NRXN3: variants seen among roughly 807,000 people sequenced by gnomAD.
NRXN3 encodes neurexin III.
NRXN3 carries 32 observed loss-of-function variants against 137.6 expected under a neutral mutation model. The observed-to-expected ratio is 0.23, with a 90% CI of 0.18 to 0.31. NRXN3 has a LOEUF of 0.31. Ranked by LOEUF, NRXN3 falls within the 10% of genes least tolerant of loss-of-function variation. NRXN3 has a pLI of 1.00. For synonymous variants in NRXN3, 798 were observed against 784.5 expected, an observed-to-expected ratio of 1.02 and a Z score of -0.29; for missense variants, 1,574 against 2,062.5, an observed-to-expected ratio of 0.76 and a Z score of 4.59.
chr14:79,094,312 TC>T (rs2049823987), intron 15 of NRXN3, among the ~76,000 whole-genome samples: 1 of 152,210 alleles, frequency 6.6e-6, no homozygotes, highest in African/African-American at 2.4e-5. Flanking sequence ...GTTTTAGCCT[TC>T]TTTTTAGTGC....
At chr14:78,665,747 C>T (rs1265387172) in intron 6 of NRXN3, among the ~76,000 whole-genome samples, 1 of 152,170 alleles carries the variant, frequency 6.6e-6, no homozygotes, top group African/African-American at 2.4e-5. Context: ...GCAAGGAAAG[C>T]TTGGCACATT....
intron 15 of NRXN3, among the ~76,000 whole-genome samples, chr14:79,430,658 T>A (rs555685815): frequency 6.6e-6 from 1 of 152,322 alleles, no homozygotes; most frequent in East Asian, 1.9e-4. Flanking sequence ...TTGGTTCTGT[T>A]GTCTGGAGAA....
chr14:79,173,569 T>C (rs987740625), intron 15 of NRXN3, among the ~76,000 whole-genome samples: 2 of 148,024 alleles, frequency 1.4e-5, no homozygotes, highest in African/African-American at 2.5e-5. Context: ...ATAAAAGATA[T>C]CATTGCCAAA....
At chr14:79,650,013 G>A (rs1192923618) in intron 16 of NRXN3, among the ~76,000 whole-genome samples, 1 of 152,172 alleles carries the variant, frequency 6.6e-6, no homozygotes, top group Admixed American at 6.5e-5. Flanking sequence ...ATGGAGGAGA[G>A]AGAAATCATG....
rs913705541 is a variant in NRXN3, at chr14:78,988,059, C to T, written c.3180C>T (p.Asn1060=). The change falls in exon 15 of 21, where the codon AAC becomes AAT. Residue 1060 remains asparagine (N), a synonymous_variant. Coordinates refer to ENST00000335750, the MANE Select transcript of NRXN3 (RefSeq NM_001330195.2). Reference sequence around the variant, plus strand: ...CCTGCCAGGAAGATTCATGTGCCAACCAGGGGGTCTGCATGCAACAATGGG... The same window carrying T: ...CCTGCCAGGAAGATTCATGTGCCAATCAGGGGGTCTGCATGCAACAATGGG... ...STTCQEDSCA[N]QGVCMQQWEG... 4 of 1,613,740 alleles carry T rather than the reference C, an allele frequency of 2.5e-6. No homozygotes were observed. The highest frequency in any genetic ancestry group is 2.7e-5 in the African/African-American group (2 of 74,882).
intron 15 of NRXN3, among the ~76,000 whole-genome samples, chr14:79,272,323 T>C (rs551359110): frequency 1.3e-5 from 2 of 152,010 alleles, no homozygotes; most frequent in Admixed American, 6.5e-5. Context: ...CCATAGTATG[T>C]ATAAATTTAG....
chr14:78,625,826 C>A (rs544014842), intron 4 of NRXN3, among the ~76,000 whole-genome samples: 153 of 152,266 alleles, frequency 1.0e-3, no homozygotes, highest in African/African-American at 3.6e-3. Context: ...GGTTACCTGG[C>A]AAGGCAGTAC....
Position 78,353,120 on chromosome 14 carries a change from A to G in NRXN3, c.757+55260A>G, listed in dbSNP as rs1375897094. On this transcript the variant is annotated intron_variant, in intron 4 of 20. Coordinates refer to ENST00000335750, the MANE Select transcript of NRXN3 (RefSeq NM_001330195.2). ...TTGTCCAACATGGATTTTTATTCTT[A>G]TAGATGAGGAAACCGGACTGGAGAG... Among the ~76,000 whole-genome samples, 4 of 152,178 alleles carry G rather than the reference A, an allele frequency of 2.6e-5. No individual in the cohort carries two copies. In the East Asian group the frequency reaches 7.7e-4, roughly 29 times the overall value.
At chr14:78,675,066 C>A (rs1310559865) in intron 6 of NRXN3, among the ~76,000 whole-genome samples, 1 of 152,224 alleles carries the variant, frequency 6.6e-6, no homozygotes, top group Non-Finnish European at 1.5e-5. Context: ...TGGCACCAGA[C>A]TCTGAAGAAG....
intron 8 of NRXN3, among the ~76,000 whole-genome samples, chr14:78,715,510 G>A (rs2098427090): frequency 6.6e-6 from 1 of 152,172 alleles, no homozygotes; most frequent in Non-Finnish European, 1.5e-5. Flanking sequence ...TAACTCCTGG[G>A]TTAGGCTTTA....
At chr14:79,451,269 C>T (rs1180630679) in intron 15 of NRXN3, among the ~76,000 whole-genome samples, 1 of 152,000 alleles carries the variant, frequency 6.6e-6, no homozygotes, top group Non-Finnish European at 1.5e-5. Flanking sequence ...GAAATGAGCT[C>T]CAGCATAACA....
At chr14:78,963,517 T>A (rs1390186702) in intron 11 of NRXN3, among the ~76,000 whole-genome samples, 1 of 152,218 alleles carries the variant, frequency 6.6e-6, no homozygotes, top group Non-Finnish European at 1.5e-5. Flanking sequence ...TGACAGTAGA[T>A]GTTTCTTTCA....
intron 15 of NRXN3, among the ~76,000 whole-genome samples, chr14:79,257,888 T>C (rs1224395158): frequency 1.3e-5 from 2 of 151,974 alleles, no homozygotes; most frequent in Admixed American, 1.3e-4. Flanking sequence ...AATTATACAA[T>C]AAGGAAAATG....
intron 19 of NRXN3, among the ~76,000 whole-genome samples, chr14:79,769,448 A>G (rs2099068889): frequency 2.0e-5 from 3 of 152,292 alleles, no homozygotes; most frequent in East Asian, 1.9e-4. Context: ...TACAAGCCAG[A>G]AGAGAGTGGG....
intron 16 of NRXN3, among the ~76,000 whole-genome samples, chr14:79,524,329 A>G (rs115292196): frequency 0.012 from 1,866 of 152,268 alleles, 32 homozygotes; most frequent in African/African-American, 0.043. Flanking sequence ...GCCTCCAGCA[A>G]GCTCTGTTTT....
At chr14:79,852,260 C>CACACACAT (rs1298717346) in intron 20 of NRXN3, among the ~76,000 whole-genome samples, 2 of 151,170 alleles carry the variant, frequency 1.3e-5, no homozygotes, top group Non-Finnish European at 1.5e-5. Flanking sequence ...CACACACACA[C>CACACACAT]ACACACACAC....
At position 79,863,972 on chromosome 14, in the gene NRXN3, TTATC is replaced by T. The variant is rs2099416601; in HGVS notation, c.*2011_*2014del. Reference sequence around the variant, plus strand: ...TGTGTGTGGAAAGAGGTGTTCCTCATTATCTAATATTTCAATGTGTTAAGAGTTT... The same window carrying T: ...TGTGTGTGGAAAGAGGTGTTCCTCATTAATATTTCAATGTGTTAAGAGTTT... On this transcript the variant is annotated 3_prime_UTR_variant, in exon 21 of 21. Transcript: ENST00000335750. 6.6e-6 allele frequency: 1 copy of T among 152,160 alleles called. No individual in the cohort carries two copies. The highest frequency in any genetic ancestry group is 2.4e-5 in the African/African-American group (1 of 41,422). The allele number at this position is 152,160 out of a possible 1,614,324, so 9.4% of individuals were successfully genotyped here.
At chr14:79,267,533 T>A (rs2078631230) in intron 15 of NRXN3, among the ~76,000 whole-genome samples, 1 of 152,000 alleles carries the variant, frequency 6.6e-6, no homozygotes, top group Non-Finnish European at 1.5e-5. Flanking sequence ...AAGTTTTGTA[T>A]TTTTAGTAGA....
chr14:79,384,923 C>A (rs2094564452), intron 15 of NRXN3, among the ~76,000 whole-genome samples: 1 of 152,106 alleles, frequency 6.6e-6, no homozygotes, highest in Non-Finnish European at 1.5e-5. Context: ...TAATTCTTAG[C>A]TTTTGCTATC....
Sources: gnomAD v4.1 joint callset for allele counts (sites outside exome capture counted in the v4.1 genomes callset) on GRCh38, gnomAD v4.1.1 for gene constraint, MANE v1.5 for transcripts, NCBI Gene and HGNC (gene_info 2026-07-23, HGNC 2026-07-21) for gene names.